SH3PXD2A: variants seen among roughly 807,000 people sequenced by gnomAD.
SH3PXD2A encodes the protein SH3 and PX domain-containing protein 2A.
Under a neutral mutation model 115.2 loss-of-function variants are expected in SH3PXD2A, and 32 were observed. The ratio of observed to expected loss-of-function variants is 0.28; its 90% confidence interval spans 0.21 to 0.37. The LOEUF is 0.37. SH3PXD2A is among the 10% of genes least tolerant of loss of function. The pLI is 1.00. For synonymous variants in SH3PXD2A, 610 were observed against 629.1 expected, an observed-to-expected ratio of 0.97 and a Z score of 0.45; for missense variants, 1,328 against 1,498.7, an observed-to-expected ratio of 0.89 and a Z score of 1.88.
intron 7 of SH3PXD2A, chr10:103,661,684 G>C (rs2037306193): frequency 1.0e-6 from 1 of 985,068 alleles, no homozygotes; most frequent in South Asian, 4.7e-5. Flanking sequence ...AGGGAGAGGA[G>C]AGAGCGGGAG....
Position 103,595,156 on chromosome 10 carries a change from T to C in SH3PXD2A, c.*6660A>G, listed in dbSNP as rs189123431. The C allele has an allele frequency of 1.1e-4, 17 of 152,338 alleles. No homozygotes were observed. Among genetic ancestry groups the C allele is most frequent in the Admixed American group, 5.2e-4 (8 of 15,310 alleles). The allele number at this position is 152,338 out of a possible 1,614,324, so 9.4% of individuals were successfully genotyped here. A position where few individuals can be genotyped will look rare whatever the true frequency, so the allele number is the denominator to read the frequency against. On this transcript the variant is annotated 3_prime_UTR_variant, in exon 15 of 15. Transcript: ENST00000369774. ...GACTTCTCTCTGCTAAGTAAATCAA[T>C]GACCATTCATTGAGAACTGATGGGG...
rs1238797772 is a variant in SH3PXD2A, at chr10:103,721,347, G to GC, written c.398+2922dup. Among the ~76,000 whole-genome samples the GC allele has an allele frequency of 3.9e-5, 6 of 152,322 alleles. No individual in the cohort carries two copies. The South Asian group carries it at 1.2e-3, about 32-fold the overall frequency. On this transcript the variant is annotated intron_variant, in intron 5 of 14. Coordinates refer to ENST00000369774, the MANE Select transcript of SH3PXD2A (RefSeq NM_001394015.1). ...ACTGAGCCTTAAGTGGCAGGGCCTG[G>GC]CCCCAGAGCCTGGCCCCACAAAGCC... is the stretch of plus-strand genomic sequence containing the variant.
intron 13 of SH3PXD2A, among the ~76,000 whole-genome samples, chr10:103,608,254 G>T (rs2036365039): frequency 6.7e-6 from 1 of 149,750 alleles, no homozygotes; most frequent in Non-Finnish European, 1.5e-5. Context: ...CGGAAGCCGG[G>T]AGAGAGGCGG....
At chr10:103,826,622 C>A (rs2039432523) in intron 1 of SH3PXD2A, among the ~76,000 whole-genome samples, 1 of 152,158 alleles carries the variant, frequency 6.6e-6, no homozygotes, top group Admixed American at 6.5e-5. Context: ...CTAGAATTTT[C>A]CCCCTAGTGA....
chr10:103,603,914 GC>G, intron 14 of SH3PXD2A, 125 bp from the exon 15 acceptor site: 3 of 1,129,348 alleles, frequency 2.7e-6, no homozygotes, highest in Non-Finnish European at 3.6e-6. Flanking sequence ...AATAAACCGA[GC>G]CACTGAGTAA....
chr10:103,735,623 C>T (rs1212520988), intron 4 of SH3PXD2A, 109 bp downstream of exon 4: 6 of 873,572 alleles, frequency 6.9e-6, no homozygotes, highest in Admixed American at 1.8e-5. Flanking sequence ...GGCCTCAGGA[C>T]GGTTCTGTAC....
intron 11 of SH3PXD2A, 68 bp from the exon 12 acceptor site, chr10:103,613,258 G>A: frequency 7.9e-7 from 1 of 1,266,374 alleles, no homozygotes; most frequent in Non-Finnish European, 1.1e-6. Flanking sequence ...CCAGGCCCTA[G>A]GATCCATCTG....
chr10:103,842,080 G>T (rs374184129), intron 1 of SH3PXD2A, among the ~76,000 whole-genome samples: 457 of 142,406 alleles, frequency 3.2e-3, no homozygotes, highest in African/African-American at 0.011. Flanking sequence ...AGCCGAGATC[G>T]CACCACTACA....
rs1265945377 is a variant in SH3PXD2A, at chr10:103,613,208, A to G, written c.921-18T>C. On this transcript the variant is annotated intron_variant, in intron 11 of 14. Coordinates refer to ENST00000369774, the MANE Select transcript of SH3PXD2A (RefSeq NM_001394015.1). ...CCAGGTATCTGTGGGGAGGAGCAGG[A>G]TGTGCTATCATTAGAGCACTCTGAC... The G allele has an allele frequency of 6.4e-7, 1 of 1,563,718 alleles. No individual in the cohort carries two copies. Among genetic ancestry groups the G allele is most frequent in the Non-Finnish European group, 8.7e-7 (1 of 1,155,160 alleles).
chr10:103,782,545 T>C (rs1338689857), intron 2 of SH3PXD2A, among the ~76,000 whole-genome samples: 1 of 152,204 alleles, frequency 6.6e-6, no homozygotes, highest in Non-Finnish European at 1.5e-5. Context: ...ATTCATTTAT[T>C]CATTCAACAA....
At chr10:103,822,360 G>A (rs2039389638) in intron 1 of SH3PXD2A, among the ~76,000 whole-genome samples, 2 of 152,244 alleles carry the variant, frequency 1.3e-5, no homozygotes, top group South Asian at 4.1e-4. Context: ...TGCTTCCTAT[G>A]CAGATGTAAC....
At chr10:103,794,295 T>A (rs1487933765) in intron 2 of SH3PXD2A, among the ~76,000 whole-genome samples, 1 of 152,216 alleles carries the variant, frequency 6.6e-6, no homozygotes, top group Non-Finnish European at 1.5e-5. Flanking sequence ...CTCTTAACTC[T>A]ATCTTCCAAG....
intron 2 of SH3PXD2A, among the ~76,000 whole-genome samples, chr10:103,795,693 C>G (rs1194359901): frequency 6.6e-6 from 1 of 152,148 alleles, no homozygotes; most frequent in Non-Finnish European, 1.5e-5. Flanking sequence ...TGGTGTAAAA[C>G]AATATTGTTT....
At chr10:103,844,681 G>T (rs1319087472) in intron 1 of SH3PXD2A, among the ~76,000 whole-genome samples, 1 of 152,104 alleles carries the variant, frequency 6.6e-6, no homozygotes, top group Non-Finnish European at 1.5e-5. Flanking sequence ...GAAGGGGAGG[G>T]AGGTCACATC....
At chr10:103,804,244 C>G (rs1228857282) in intron 1 of SH3PXD2A, among the ~76,000 whole-genome samples, 1 of 151,814 alleles carries the variant, frequency 6.6e-6, no homozygotes, top group Non-Finnish European at 1.5e-5. Context: ...GTTAGGGTGC[C>G]CGGGCTGAGG....
chr10:103,855,220 T>C lies in SH3PXD2A; in HGVS notation c.47A>G (p.Lys16Arg). ...VQDATVVDVE[K>R]RRNPSKHYVY... The stretch of plus-strand genomic sequence containing the variant: ...GTAGTGCTTGGAGGGGTTCCTCCGC[T>C]TCTCCACGTCCACCACGGTGGCATC... The change falls in exon 1 of 15, where the codon AAG becomes AGG. Residue 16 changes from lysine (K) to arginine (R), a missense_variant. Transcript: ENST00000369774. 6.5e-7 allele frequency: 1 copy of C among 1,538,574 alleles called. No homozygotes were observed. Among genetic ancestry groups the C allele is most frequent in the South Asian group, 1.2e-5 (1 of 82,618 alleles).
At chr10:103,748,466 C>A (rs1470543901) in intron 3 of SH3PXD2A, among the ~76,000 whole-genome samples, 1 of 152,206 alleles carries the variant, frequency 6.6e-6, no homozygotes, top group Non-Finnish European at 1.5e-5. Flanking sequence ...ACACGCAACA[C>A]CCATTCACTC....
chr10:103,849,718 G>A (rs1842880028), intron 1 of SH3PXD2A, among the ~76,000 whole-genome samples: 1 of 152,180 alleles, frequency 6.6e-6, no homozygotes, highest in Non-Finnish European at 1.5e-5. Context: ...TCTATTGGGC[G>A]CTTCCATTAT....
At chr10:103,605,974 G>A in intron 13 of SH3PXD2A, 57 bp from the exon 14 acceptor site, 1 of 1,595,066 alleles carries the variant, frequency 6.3e-7, no homozygotes, top group South Asian at 1.1e-5. Context: ...GAGTAACTTG[G>A]CCAAGGGTTG....
Sources: allele counts gnomAD v4.1 joint callset (sites outside exome capture counted in the v4.1 genomes callset), GRCh38; gene constraint gnomAD v4.1.1; transcripts MANE v1.5; gene names NCBI Gene and HGNC (gene_info 2026-07-23, HGNC 2026-07-21).